DMD: variants seen among roughly 807,000 people sequenced by gnomAD.
DMD encodes the protein dystrophin, also known as mutant dystrophin.
Under a neutral mutation model 330.1 loss-of-function variants are expected in DMD, and 63 were observed. The observed-to-expected ratio is 0.19, with a 90% confidence interval of 0.16 to 0.24. DMD has a LOEUF of 0.24. DMD is among the 10% of genes least tolerant of loss of function. The pLI, the probability that DMD is intolerant of heterozygous loss-of-function variation, is 1.00. For missense variants in DMD, 3,344 were observed against 2,684.1 expected (o/e 1.25, Z -5.43); for synonymous variants, 1,223 against 959.8 (o/e 1.27, Z -5.07).
chrX:31,694,508 T>C (rs2083314874), intron 52 of DMD, among the ~76,000 whole-genome samples: 1 of 106,245 alleles, frequency 9.4e-6, no homozygotes, highest in South Asian at 4.2e-4. Flanking sequence ...AAGGTGCTAA[T>C]ATCCAAAATA....
At chrX:32,436,420 C>G (rs1379499423) in intron 29 of DMD, among the ~76,000 whole-genome samples, 1 of 111,391 alleles carries the variant, frequency 9.0e-6, no homozygotes, top group East Asian at 2.8e-4. Context: ...AAAGTTTATG[C>G]TTTAAAAACT....
At chrX:32,734,783 C>G (rs372040609) in intron 7 of DMD, among the ~76,000 whole-genome samples, 1 of 107,425 alleles carries the variant, frequency 9.3e-6, no homozygotes, top group Non-Finnish European at 1.9e-5. Context: ...TAAGAGCTAT[C>G]TATGACAAAC....
intron 55 of DMD, among the ~76,000 whole-genome samples, chrX:31,523,465 ATTTAG>A (rs2073019187): frequency 9.0e-6 from 1 of 111,689 alleles, no homozygotes; most frequent in Admixed American, 9.5e-5. Flanking sequence ...GATTTTACTT[ATTTAG>A]TTGTCTTAGA....
At chrX:32,800,034 AG>A in intron 7 of DMD, among the ~76,000 whole-genome samples, 1 of 111,853 alleles carries the variant, frequency 8.9e-6, no homozygotes, top group Non-Finnish European at 1.9e-5. Flanking sequence ...CTATCAACAA[AG>A]CTTATGTTTA....
intron 34 of DMD, among the ~76,000 whole-genome samples, chrX:32,370,640 A>T (rs781747004): frequency 2.5e-4 from 28 of 110,506 alleles, no homozygotes; most frequent in Non-Finnish European, 4.4e-4. Flanking sequence ...CAAGTTAATG[A>T]TCTGCTAGTG....
At chrX:31,252,785 G>A (rs915587378) in intron 63 of DMD, among the ~76,000 whole-genome samples, 2 of 111,850 alleles carry the variant, frequency 1.8e-5, no homozygotes, top group Non-Finnish European at 3.8e-5. Flanking sequence ...AGGCCGAGGC[G>A]GGTGGATCAT....
intron 7 of DMD, among the ~76,000 whole-genome samples, chrX:32,777,760 G>A (rs1262103210): frequency 8.9e-6 from 1 of 112,323 alleles, no homozygotes; most frequent in Admixed American, 9.4e-5. Flanking sequence ...CAGCCCAACT[G>A]TTTTTGCATA....
At chrX:31,935,437 C>T (rs925635192) in intron 45 of DMD, among the ~76,000 whole-genome samples, 1 of 111,557 alleles carries the variant, frequency 9.0e-6, no homozygotes, top group Non-Finnish European at 1.9e-5. Context: ...AGCACCATTT[C>T]CCCTCAGATT....
chrX:32,410,579 T>C (rs1450872568), intron 30 of DMD, among the ~76,000 whole-genome samples: 1 of 111,791 alleles, frequency 8.9e-6, no homozygotes, highest in African/African-American at 3.2e-5. Context: ...CTTCACCAAC[T>C]GGCAGGGAGA....
chrX:32,432,496 C>T (rs2098242441), intron 29 of DMD, among the ~76,000 whole-genome samples: 1 of 111,876 alleles, frequency 8.9e-6, no homozygotes, highest in Non-Finnish European at 1.9e-5. Flanking sequence ...CATCCTAGTG[C>T]TTTCCAGAGG....
chrX:33,004,503 T>C (rs1181980506), intron 2 of DMD, among the ~76,000 whole-genome samples: 1 of 111,874 alleles, frequency 8.9e-6, no homozygotes, highest in African/African-American at 3.2e-5. Context: ...TTGTTAGTTT[T>C]TATTGAAAAT....
intron 37 of DMD, among the ~76,000 whole-genome samples, chrX:32,361,352 A>G (rs1476717475): frequency 1.8e-5 from 2 of 111,575 alleles, no homozygotes; most frequent in Non-Finnish European, 3.8e-5. Context: ...TGACTCAAAT[A>G]TATATATTTG....
chrX:33,203,282 G>A (rs2051383648), intron 1 of DMD, among the ~76,000 whole-genome samples: 1 of 111,969 alleles, frequency 8.9e-6, no homozygotes, highest in Non-Finnish European at 1.9e-5. Context: ...AATTCTGACT[G>A]AGCAATTGAA....
chrX:32,922,318 A>C (rs1486379633), intron 2 of DMD, among the ~76,000 whole-genome samples: 1 of 112,042 alleles, frequency 8.9e-6, no homozygotes, highest in East Asian at 2.8e-4. Context: ...GAAAGCAAGC[A>C]AACAAAAGTT....
intron 62 of DMD, among the ~76,000 whole-genome samples, chrX:31,284,566 C>CTTTCTTCT: frequency 5.4e-5 from 3 of 56,050 alleles, no homozygotes; most frequent in African/African-American, 2.2e-4. Context: ...GTTTCTTCTT[C>CTTTCTTCT]TTCTTCTTCT....
intron 9 of DMD, among the ~76,000 whole-genome samples, chrX:32,645,955 C>A (rs2059756642): frequency 9.0e-6 from 1 of 111,401 alleles, no homozygotes; most frequent in Non-Finnish European, 1.9e-5. Flanking sequence ...GAAGTGATCA[C>A]AAAATTGGTC....
chrX:32,362,872 G>A lies in DMD; in HGVS notation c.5241C>T (p.Asp1747=). Reference sequence around the variant, plus strand: ...GGGGCTCTACTAATTTCCTGCAGTGGTCACCGCGGTTTGCCATCAAGTTTG... The same window carrying A: ...GGGGCTCTACTAATTTCCTGCAGTGATCACCGCGGTTTGCCATCAAGTTTG... ...QAANLMANRG[D]HCRKLVEPQI... The change falls in exon 37 of 79, where the codon GAC becomes GAT. Residue 1747 remains aspartate, a synonymous_variant. Coordinates refer to ENST00000357033, the MANE Select transcript of DMD (RefSeq NM_004006.3). 8.3e-7 allele frequency: 1 copy of A among 1,210,915 alleles called. No homozygotes were observed. The highest frequency in any genetic ancestry group is 1.1e-6 in the Non-Finnish European group (1 of 895,100).
intron 57 of DMD, among the ~76,000 whole-genome samples, chrX:31,496,312 T>C (rs1220864338): frequency 8.9e-6 from 1 of 112,534 alleles, no homozygotes; most frequent in African/African-American, 3.2e-5. Context: ...AAATTATTGA[T>C]ATTTCAAAAG....
chrX:31,298,406 CACAT>C (rs1206545309), intron 62 of DMD, among the ~76,000 whole-genome samples: 1 of 102,458 alleles, frequency 9.8e-6, no homozygotes, highest in East Asian at 3.1e-4. Context: ...CACACACACA[CACAT>C]ACACACACAC....
Sources: allele counts gnomAD v4.1 joint callset (sites outside exome capture counted in the v4.1 genomes callset), GRCh38; gene constraint gnomAD v4.1.1; transcripts MANE v1.5; gene names NCBI Gene and HGNC (gene_info 2026-07-23, HGNC 2026-07-21).